TET2: variants seen among roughly 807,000 people sequenced by gnomAD.
TET2 encodes the protein methylcytosine dioxygenase TET2.
Under a neutral mutation model 142.9 loss-of-function variants are expected in TET2, and 299 were observed. That is an observed-to-expected ratio of 2.09 (90% CI 1.90 to 2.30). TET2 has a LOEUF of 2.30. TET2 is among the 30% of genes most tolerant of loss of function. The pLI is 0.00. For synonymous variants in TET2, 819 were observed against 849.0 expected (o/e 0.96, Z 0.61); for missense variants, 2,418 against 2,378.0 (o/e 1.02, Z -0.35).
At chr4:105,269,203 A>T (rs1449400968) in intron 8 of TET2, among the ~76,000 whole-genome samples, 3 of 152,216 alleles carry the variant, frequency 2.0e-5, no homozygotes, top group Admixed American at 1.3e-4. Flanking sequence ...CCTTAATTTC[A>T]CACCATTTAT....
At chr4:105,186,338 T>C (rs528145563) in intron 1 of TET2, among the ~76,000 whole-genome samples, 1 of 152,290 alleles carries the variant, frequency 6.6e-6, no homozygotes, top group Admixed American at 6.5e-5. Flanking sequence ...TCATGGCCCT[T>C]ATCTTAACCT....
rs1553918861 is a variant in TET2, at chr4:105,278,203, T to TATATATATATATATATATATATATA, written c.*1684_*1685insATATATATATATATATATATATATA. 66 of 159,012 alleles carry TATATATATATATATATATATATATA rather than the reference T, an allele frequency of 4.2e-4. 3 individuals are homozygous for TATATATATATATATATATATATATA. Among genetic ancestry groups the TATATATATATATATATATATATATA allele is most frequent in the African/African-American group, 1.1e-3 (40 of 37,142 alleles). 9.9% of individuals were successfully genotyped at this position (159,012 alleles called of 1,614,324 possible). A position where few individuals can be genotyped will look rare whatever the true frequency, so the allele number is the denominator to read the frequency against. The stretch of plus-strand genomic sequence containing the variant: ...ATATATATATATATATATATATATA[T>TATATATATATATATATATATATATA]GAGTTTGAAGCAGAATTCACATCAT... On this transcript the variant is annotated 3_prime_UTR_variant, in exon 11 of 11. Coordinates refer to ENST00000380013, the MANE Select transcript of TET2 (RefSeq NM_001127208.3).
intron 2 of TET2, among the ~76,000 whole-genome samples, chr4:105,196,316 C>T (rs553274660): frequency 1.6e-4 from 24 of 152,226 alleles, no homozygotes; most frequent in Non-Finnish European, 3.1e-4. Flanking sequence ...CCCCTCCCCA[C>T]CTCACCACTT....
At chr4:105,211,954 TAA>T (rs1219383883) in intron 2 of TET2, among the ~76,000 whole-genome samples, 1 of 152,228 alleles carries the variant, frequency 6.6e-6, no homozygotes. Context: ...TACTGTAACT[TAA>T]GTCATTGAGA....
At chr4:105,176,253 C>G (rs186169691) in intron 1 of TET2, among the ~76,000 whole-genome samples, 1 of 152,256 alleles carries the variant, frequency 6.6e-6, no homozygotes, top group African/African-American at 2.4e-5. Context: ...AAGGTGTCTC[C>G]TCTTACCACT....
rs748113887 is a variant in TET2, at chr4:105,236,055, C to T, written c.2113C>T (p.Gln705Ter). ...MSPVLKQHLN[Q>*]QASETEPFSN... is the part of the protein sequence containing the mutation. ...CCCAGTGTTGAAACAGCACTTGAAT[C>T]AACAGGCTTCAGAGACTGAGCCATT... is the stretch of plus-strand genomic sequence containing the variant. Residue 705 changes from glutamine (Q) to a stop codon, truncating the protein, a stop_gained, in exon 3 of 11, where the codon CAA becomes TAA. Coordinates refer to ENST00000380013, the MANE Select transcript of TET2 (RefSeq NM_001127208.3). LOFTEE classifies it high-confidence loss of function. 1 of 1,614,126 alleles carries T rather than the reference C, an allele frequency of 6.2e-7. No individual in the cohort carries two copies. Among genetic ancestry groups the T allele is most frequent in the Non-Finnish European group, 8.5e-7 (1 of 1,179,996 alleles).
intron 1 of TET2, among the ~76,000 whole-genome samples, chr4:105,185,177 T>C (rs1457769355): frequency 2.6e-5 from 4 of 152,168 alleles, no homozygotes; most frequent in Non-Finnish European, 5.9e-5. Context: ...GAGGTTTTTT[T>C]TTTTCCTTCA....
At chr4:105,274,034 C>T (rs1731084255) in intron 10 of TET2, among the ~76,000 whole-genome samples, 2 of 152,176 alleles carry the variant, frequency 1.3e-5, no homozygotes. Flanking sequence ...GATTCATTTC[C>T]AAGCTCAGAG....
At chr4:105,153,774 A>T (rs1467236214) in intron 1 of TET2, among the ~76,000 whole-genome samples, 1 of 152,216 alleles carries the variant, frequency 6.6e-6, no homozygotes, top group African/African-American at 2.4e-5. Flanking sequence ...GATAGCTGTA[A>T]AAGTGTATAA....
Position 105,236,620 on chromosome 4 carries a change from C to A in TET2, c.2678C>A (p.Ala893Asp). ...GAACAGGAGCAGAAGTCACAACAAG[C>A]TTCAGTTCTACAGGGATATAAAAAT... ...FQEQEQKSQQ[A>D]SVLQGYKNRN... is the part of the protein sequence containing the mutation. The change falls in exon 3 of 11, where the codon GCT (alanine) becomes GAT (aspartate). Residue 893 changes from alanine (A) to aspartate (D), a missense_variant. Ala to Asp is a moderately radical substitution (Grantham distance 126). Transcript: ENST00000380013. 6.2e-7 allele frequency: 1 copy of A among 1,614,058 alleles called. No homozygotes were observed. Among genetic ancestry groups the A allele is most frequent in the Non-Finnish European group, 8.5e-7 (1 of 1,180,010 alleles).
chr4:105,235,518 CA>C lies in TET2; in HGVS notation c.1577del (p.Gln526ArgfsTer7). 1 of 1,614,142 alleles carries C rather than the reference CA, an allele frequency of 6.2e-7. No individual in the cohort carries two copies. Among genetic ancestry groups the C allele is most frequent in the Non-Finnish European group, 8.5e-7 (1 of 1,180,010 alleles). ...AATTTTTGGTAGCAGTGGAGAGCTA[CA>C]GGACAACTGCCAGCAGTTGATGAGA... The part of the protein sequence containing the change: ...PPIFGSSGEL[Q>X]DNCQQLMRNK... On this transcript the variant is annotated frameshift_variant, in exon 3 of 11. Coordinates refer to ENST00000380013, the MANE Select transcript of TET2 (RefSeq NM_001127208.3). LOFTEE classifies it high-confidence loss of function.
chr4:105,161,406 T>G (rs1723851692), intron 1 of TET2, among the ~76,000 whole-genome samples: 1 of 152,222 alleles, frequency 6.6e-6, no homozygotes, highest in Non-Finnish European at 1.5e-5. Context: ...TTGCGTGATT[T>G]ATCTACTTGC....
At position 105,234,630 on chromosome 4, in the gene TET2, C is replaced by A. The variant is rs1309034512; in HGVS notation, c.688C>A (p.Leu230Met). The change falls in exon 3 of 11, where the codon CTG (leucine) becomes ATG (methionine). Residue 230 changes from leucine to methionine, a missense_variant. By Grantham distance (15) the Leu-to-Met change is conservative. Transcript: ENST00000380013. Reference protein sequence around the residue: ...HTHGELLEKTLSQYYPDCVSI... With the variant: ...HTHGELLEKTMSQYYPDCVSI... ...ACATGGTGAACTCCTGGAAAAAACA[C>A]TGTCTCAATATTATCCAGATTGTGT... The A allele has an allele frequency of 6.2e-7, 1 of 1,614,142 alleles. No homozygotes were observed. The highest frequency in any genetic ancestry group is 1.1e-5 in the South Asian group (1 of 91,082).
chr4:105,209,077 A>ATATATATATATATC (rs1727003328), intron 2 of TET2, among the ~76,000 whole-genome samples: 1 of 107,156 alleles, frequency 9.3e-6, no homozygotes. Flanking sequence ...ATATATATAT[A>ATATATATATATATC]TATATATATA....
intron 6 of TET2, among the ~76,000 whole-genome samples, chr4:105,246,110 A>ACAGGGTTTCAC (rs1245014098): frequency 6.6e-6 from 1 of 152,130 alleles, no homozygotes; most frequent in African/African-American, 2.4e-5. Context: ...TTTAGTAGAG[A>ACAGGGTTTCAC]CAGGGTTTCA....
intron 3 of TET2, chr4:105,239,103 T>C: frequency 4.2e-6 from 1 of 240,826 alleles, no homozygotes; most frequent in Non-Finnish European, 8.8e-6. Context: ...TAGCAGTAAG[T>C]CTCAACACTG....
chr4:105,266,431 A>G (rs1232816804), intron 8 of TET2, among the ~76,000 whole-genome samples: 4 of 152,196 alleles, frequency 2.6e-5, no homozygotes, highest in Non-Finnish European at 4.4e-5. Flanking sequence ...AAAAGAAAAT[A>G]TAACCTTTAC....
chr4:105,256,495 T>C (rs1398660902), intron 6 of TET2, among the ~76,000 whole-genome samples: 1 of 152,184 alleles, frequency 6.6e-6, no homozygotes, highest in Non-Finnish European at 1.5e-5. Flanking sequence ...GAATCCTGCA[T>C]ACATGATAAT....
At chr4:105,170,524 T>G (rs1269153810) in intron 1 of TET2, among the ~76,000 whole-genome samples, 2 of 152,200 alleles carry the variant, frequency 1.3e-5, no homozygotes, top group African/African-American at 4.8e-5. Context: ...GAAATAATCT[T>G]ATTTTTACTG....
Sources: allele counts gnomAD v4.1 joint callset (sites outside exome capture counted in the v4.1 genomes callset), GRCh38; gene constraint gnomAD v4.1.1; transcripts MANE v1.5; gene names NCBI Gene and HGNC (gene_info 2026-07-23, HGNC 2026-07-21).